Variants in SCHIP1 observed in about 807,000 individuals in gnomAD.
The protein encoded by SCHIP1 is schwannomin interacting protein 1.
In SCHIP1, 8 loss-of-function variants were observed where a neutral mutation model predicts 29.7. That is an observed-to-expected ratio of 0.27 (90% CI 0.16 to 0.49). The LOEUF is 0.49. SCHIP1 is among the 20% of genes least tolerant of loss of function. The pLI is 0.99. For synonymous variants in SCHIP1, 76 were observed against 94.9 expected (o/e 0.80, Z 1.16); for missense variants, 193 against 294.6 (o/e 0.66, Z 2.52).
At chr3:159,704,399 C>A in the SCHIP1 span, among the ~76,000 whole-genome samples, 21 of 128,930 alleles carry the variant, frequency 1.6e-4, no homozygotes, top group African/African-American at 5.9e-4. Context: ...GGTGCCATTG[C>A]GCTCCAGCAA....
At chr3:159,682,867 T>G in the SCHIP1 span, among the ~76,000 whole-genome samples, 1 of 152,218 alleles carries the variant, frequency 6.6e-6, no homozygotes, top group Non-Finnish European at 1.5e-5. Flanking sequence ...TTTTTCCTTA[T>G]TCCTGATAAA....
At chr3:159,336,745 GC>G in the SCHIP1 span, among the ~76,000 whole-genome samples, 1 of 152,176 alleles carries the variant, frequency 6.6e-6, no homozygotes, top group Non-Finnish European at 1.5e-5. Context: ...GGTTACTGTA[GC>G]CTTGTAGTAT....
the SCHIP1 span, among the ~76,000 whole-genome samples, chr3:159,528,680 C>A: frequency 6.6e-6 from 1 of 152,300 alleles, no homozygotes; most frequent in Non-Finnish European, 1.5e-5. Context: ...TCAGAATGCC[C>A]CATACCCTGA....
the SCHIP1 span, among the ~76,000 whole-genome samples, chr3:159,707,993 G>A: frequency 6.6e-6 from 1 of 151,136 alleles, no homozygotes; most frequent in African/African-American, 2.4e-5. Flanking sequence ...CTTCTTTCTC[G>A]CCTTCTATTC....
chr3:159,281,477 CAA>C, the SCHIP1 span, among the ~76,000 whole-genome samples: 2 of 152,198 alleles, frequency 1.3e-5, no homozygotes, highest in South Asian at 4.2e-4. Context: ...TTTTCAGTGT[CAA>C]GAGCTAAAAA....
At chr3:159,778,974 C>T in the SCHIP1 span, among the ~76,000 whole-genome samples, 1 of 152,218 alleles carries the variant, frequency 6.6e-6, no homozygotes, top group African/African-American at 2.4e-5. Context: ...CAAGTTCTCA[C>T]TTGTTATTTG....
At chr3:159,780,908 G>GC in the SCHIP1 span, among the ~76,000 whole-genome samples, 2 of 152,206 alleles carry the variant, frequency 1.3e-5, no homozygotes, top group African/African-American at 2.4e-5. Flanking sequence ...GTGCTCTGAT[G>GC]CCAGCTCAGA....
the SCHIP1 span, among the ~76,000 whole-genome samples, chr3:159,322,926 A>T: frequency 6.6e-6 from 1 of 152,274 alleles, no homozygotes; most frequent in Admixed American, 6.5e-5. Context: ...AATACCAGAG[A>T]TTTCTGTCCG....
At chr3:159,511,401 A>G in the SCHIP1 span, among the ~76,000 whole-genome samples, 1 of 152,072 alleles carries the variant, frequency 6.6e-6, no homozygotes, top group South Asian at 2.1e-4. Context: ...GAACTCCCTG[A>G]CCCCTTGCGC....
At chr3:159,821,293 AG>A in the SCHIP1 span, among the ~76,000 whole-genome samples, 8 of 152,226 alleles carry the variant, frequency 5.3e-5, no homozygotes, top group Non-Finnish European at 1.0e-4. Flanking sequence ...AAGTCTTTCA[AG>A]GAGTTTTGTG....
At chr3:159,519,125 T>G in the SCHIP1 span, among the ~76,000 whole-genome samples, 1 of 152,064 alleles carries the variant, frequency 6.6e-6, no homozygotes, top group Non-Finnish European at 1.5e-5. Flanking sequence ...TGGTCCAAGT[T>G]TAAAGGCTTA....
At chr3:159,379,648 A>G in the SCHIP1 span, among the ~76,000 whole-genome samples, 1 of 129,234 alleles carries the variant, frequency 7.7e-6, no homozygotes, top group African/African-American at 3.1e-5. Flanking sequence ...TACAAGTTCC[A>G]TAGACTTTTT....
the SCHIP1 span, among the ~76,000 whole-genome samples, chr3:159,452,690 G>T: frequency 2.5e-4 from 38 of 152,142 alleles, no homozygotes; most frequent in South Asian, 1.7e-3. Flanking sequence ...TAGGTCAAAT[G>T]GTATTTCTGG....
chr3:159,883,548 C>T (rs1716657991), intron 2 of SCHIP1, among the ~76,000 whole-genome samples: 2 of 152,176 alleles, frequency 1.3e-5, no homozygotes, highest in Admixed American at 6.5e-5. Context: ...TTGAGTTTCA[C>T]CGAGAGCTGA....
At chr3:159,805,808 CTT>C in the SCHIP1 span, among the ~76,000 whole-genome samples, 27 of 139,116 alleles carry the variant, frequency 1.9e-4, no homozygotes, top group Admixed American at 2.9e-4. Flanking sequence ...AATTGTACTC[CTT>C]TTTTTTTTTT....
the SCHIP1 span, among the ~76,000 whole-genome samples, chr3:159,362,707 C>G: frequency 6.6e-6 from 1 of 152,146 alleles, no homozygotes; most frequent in Non-Finnish European, 1.5e-5. Flanking sequence ...ATTTCCCCCC[C>G]GGCCATGAGC....
chr3:159,728,198 T>C, the SCHIP1 span, among the ~76,000 whole-genome samples: 4 of 152,246 alleles, frequency 2.6e-5, no homozygotes, highest in East Asian at 7.7e-4. Flanking sequence ...TAGAAGGAAG[T>C]GGATCTTTTC....
chr3:159,611,172 G>C, the SCHIP1 span, among the ~76,000 whole-genome samples: 2 of 152,068 alleles, frequency 1.3e-5, no homozygotes, highest in Admixed American at 6.6e-5. Context: ...ACTCTGTGTA[G>C]ATAATTTCAT....
the SCHIP1 span, among the ~76,000 whole-genome samples, chr3:159,701,352 CT>C: frequency 6.6e-6 from 1 of 152,066 alleles, no homozygotes. Context: ...CTATATACCC[CT>C]GCCCCCTACA....
Sources: allele counts gnomAD v4.1 joint callset (sites outside exome capture counted in the v4.1 genomes callset), GRCh38; gene constraint gnomAD v4.1.1; transcripts MANE v1.5; gene names NCBI Gene and HGNC (gene_info 2026-07-23, HGNC 2026-07-21).